The following HMBOX1 variants were observed in gnomAD, a reference collection of about 807,000 sequenced individuals.
HMBOX1 encodes homeobox containing 1.
Under a neutral mutation model 54.5 loss-of-function variants are expected in HMBOX1, and 14 were observed. That is an observed-to-expected ratio of 0.26 (90% CI 0.17 to 0.40). HMBOX1 has a LOEUF of 0.40. Among genes scored for constraint, HMBOX1 ranks in the 10% least tolerant of loss-of-function variants. HMBOX1 has a pLI of 1.00. For synonymous variants in HMBOX1, 160 were observed against 181.0 expected, an observed-to-expected ratio of 0.88 and a Z score of 0.93; for missense variants, 332 against 514.4, an observed-to-expected ratio of 0.65 and a Z score of 3.43.
In HMBOX1 at chr8:28,914,195, CT is replaced by C. The variant is rs201541030; in HGVS notation, c.-58+23519del. Among the ~76,000 whole-genome samples, 1,019 of 152,120 alleles carry C rather than the reference CT, an allele frequency of 6.7e-3. 4 individuals carry two copies. Among genetic ancestry groups the C allele is most frequent in the Non-Finnish European group, 8.5e-3 (576 of 67,970 alleles). ...ATCTGTTTTAAAAAGAGATAGCCTC[CT>C]TGTATTAAATAAAATCAGCCTAACC... On this transcript the variant is annotated intron_variant, in intron 1 of 9. Transcript: ENST00000287701.
intron 1 of HMBOX1, among the ~76,000 whole-genome samples, chr8:28,901,896 A>G (rs1400407500): frequency 6.6e-6 from 1 of 152,132 alleles, no homozygotes; most frequent in African/African-American, 2.4e-5. Flanking sequence ...GTATTTGTAT[A>G]TCCTTATCTT....
rs184590780 is a variant in HMBOX1 at position 29,030,239 on chromosome 8, C to T, written c.851+11326C>T. On this transcript the variant is annotated intron_variant, in intron 6 of 9. Coordinates refer to ENST00000287701, the MANE Select transcript of HMBOX1 (RefSeq NM_001135726.3). ...GTCAATACCTTTTGTTTTTTTGAGA[C>T]GGAGTTTTGCTTTTGTTGCCCAGGC... Among the ~76,000 whole-genome samples the T allele has an allele frequency of 2.9e-4, 42 of 144,818 alleles. 1 individual carries two copies. Among genetic ancestry groups the T allele is most frequent in the East Asian group, 1.2e-3 (6 of 4,928 alleles).
At chr8:29,030,419 A>G (rs1173903222) in intron 6 of HMBOX1, among the ~76,000 whole-genome samples, 2 of 151,914 alleles carry the variant, frequency 1.3e-5, no homozygotes, top group African/African-American at 2.4e-5. Flanking sequence ...GGGTTTCTCT[A>G]TGTTGGTCAG....
intron 3 of HMBOX1, among the ~76,000 whole-genome samples, chr8:28,978,900 C>T (rs553924035): frequency 6.6e-6 from 1 of 151,652 alleles, no homozygotes; most frequent in African/African-American, 2.4e-5. Context: ...TAATTGGGTA[C>T]AGTTTTTAAA....
chr8:29,050,945 C>A, intron 9 of HMBOX1, 73 bp from the exon 10 acceptor site: 1 of 1,493,254 alleles, frequency 6.7e-7, no homozygotes, highest in Non-Finnish European at 9.1e-7. Flanking sequence ...CCTCCCCTTG[C>A]CCCAGCATGT....
chr8:28,996,634 T>C (rs563970754), intron 4 of HMBOX1, among the ~76,000 whole-genome samples: 2 of 152,328 alleles, frequency 1.3e-5, no homozygotes, highest in African/African-American at 2.4e-5. Context: ...TATATTGTTT[T>C]GTTGTTTTGT....
chr8:28,976,903 CTCA>C (rs1828495374), intron 3 of HMBOX1, among the ~76,000 whole-genome samples: 1 of 151,872 alleles, frequency 6.6e-6, no homozygotes, highest in East Asian at 1.9e-4. Context: ...GAGACGAGGT[CTCA>C]TCATGTTGGC....
At position 29,052,605 on chromosome 8, in the gene HMBOX1, C is replaced by T. The variant is rs1806540905; in HGVS notation, c.*1450C>T. On this transcript the variant is annotated 3_prime_UTR_variant, in exon 10 of 10. Transcript: ENST00000287701. Reference sequence around the variant, plus strand: ...CATTCTAAAGTCACCCTGTGATCACCTTGTCATCTAGTAGCAAAATGATGA... The same window carrying T: ...CATTCTAAAGTCACCCTGTGATCACTTTGTCATCTAGTAGCAAAATGATGA... 6.6e-6 allele frequency: 1 copy of T among 151,986 alleles called. No individual in the cohort carries two copies. The allele number at this position is 151,986 out of a possible 1,614,324, so 9.4% of individuals were successfully genotyped here.
chr8:28,952,399 A>G (rs538353105), intron 1 of HMBOX1, among the ~76,000 whole-genome samples: 2 of 151,994 alleles, frequency 1.3e-5, no homozygotes, highest in East Asian at 3.9e-4. Flanking sequence ...GCTTCCGGCT[A>G]ATTTTTGTAT....
intron 1 of HMBOX1, among the ~76,000 whole-genome samples, chr8:28,931,839 C>G (rs1477343917): frequency 6.6e-6 from 1 of 152,170 alleles, no homozygotes; most frequent in Non-Finnish European, 1.5e-5. Flanking sequence ...CTGCACCCAG[C>G]CAATACCTTA....
At chr8:28,943,311 A>G (rs980362105) in intron 1 of HMBOX1, among the ~76,000 whole-genome samples, 83 of 152,354 alleles carry the variant, frequency 5.4e-4, no homozygotes, top group African/African-American at 1.9e-3. Flanking sequence ...GTGAGGACCA[A>G]AAGCTTATAT....
chr8:29,049,987 A>G (rs1806197510), intron 9 of HMBOX1, among the ~76,000 whole-genome samples: 2 of 152,242 alleles, frequency 1.3e-5, no homozygotes, highest in Admixed American at 1.3e-4. Flanking sequence ...ATCTGTGAAC[A>G]TCAGAAGGAA....
intron 6 of HMBOX1, among the ~76,000 whole-genome samples, chr8:29,038,930 T>C (rs917532130): frequency 2.0e-5 from 3 of 152,278 alleles, no homozygotes; most frequent in Admixed American, 6.5e-5. Flanking sequence ...CACACTAAAC[T>C]CCTTCCCATT....
chr8:28,985,224 C>T lies in HMBOX1; in HGVS notation c.586+5068C>T, dbSNP rs566827711. ...GGGAAGTCCAGGATGAAGCCAGATT[C>T]AGTGTCTGGTGAGAGCCTGCTTTCT... On this transcript the variant is annotated intron_variant, in intron 4 of 9. Transcript: ENST00000287701. 8.5e-5 allele frequency among the ~76,000 whole-genome samples: 13 copies of T among 152,324 alleles called. No individual in the cohort carries two copies. The South Asian group carries it at 1.7e-3, about 19-fold the overall frequency.
At chr8:28,918,370 A>AT (rs1354376457) in intron 1 of HMBOX1, among the ~76,000 whole-genome samples, 1 of 150,876 alleles carries the variant, frequency 6.6e-6, no homozygotes, top group African/African-American at 2.4e-5. Context: ...CGCCTGGCTA[A>AT]TTTTTTGTAT....
intron 5 of HMBOX1, 63 bp downstream of exon 5, chr8:29,009,245 A>T: frequency 3.8e-6 from 5 of 1,328,128 alleles, no homozygotes; most frequent in Non-Finnish European, 5.4e-6. Flanking sequence ...AATTACTTTA[A>T]TGACTCCATG....
chr8:28,930,247 G>A (rs1365039031), intron 1 of HMBOX1, among the ~76,000 whole-genome samples: 3 of 152,016 alleles, frequency 2.0e-5, no homozygotes, highest in Non-Finnish European at 4.4e-5. Flanking sequence ...TAGTAACTGA[G>A]GTCTAAGACC....
chr8:28,900,269 A>ATATATATATATATATATATATAT (rs1422463025), intron 1 of HMBOX1, among the ~76,000 whole-genome samples: 9 of 69,204 alleles, frequency 1.3e-4, no homozygotes, highest in Admixed American at 2.1e-4. Context: ...AAAAAAAAAA[A>ATATATATATATATATATATATAT]AAATATATAT....
At chr8:28,942,361 A>G (rs1374646819) in intron 1 of HMBOX1, among the ~76,000 whole-genome samples, 1 of 152,194 alleles carries the variant, frequency 6.6e-6, no homozygotes, top group Non-Finnish European at 1.5e-5. Flanking sequence ...TTTCTTAGTC[A>G]TATTTGGAAT....
Sources: allele counts gnomAD v4.1 joint callset (sites outside exome capture counted in the v4.1 genomes callset), GRCh38; gene constraint gnomAD v4.1.1; transcripts MANE v1.5; gene names NCBI Gene and HGNC (gene_info 2026-07-23, HGNC 2026-07-21).